Variants in IRAG1 observed in about 807,000 individuals in gnomAD.
The protein encoded by IRAG1 is inositol 1,4,5-triphosphate receptor associated 1.
In IRAG1, 62 loss-of-function variants were observed where a neutral mutation model predicts 106.2. The ratio of observed to expected loss-of-function variants is 0.58; its 90% CI spans 0.48 to 0.72. IRAG1 has a LOEUF of 0.72. IRAG1 is among the 30% of genes least tolerant of loss of function. IRAG1 has a pLI of 0.00. For missense variants in IRAG1, 1,064 were observed against 1,140.7 expected (o/e 0.93, Z 0.97); for synonymous variants, 462 against 443.9 (o/e 1.04, Z -0.51).
At chr11:10,686,799 G>T (rs1861689941) in intron 1 of IRAG1, among the ~76,000 whole-genome samples, 1 of 152,164 alleles carries the variant, frequency 6.6e-6, no homozygotes, top group Admixed American at 6.5e-5. Context: ...TACCTCCCTT[G>T]CATGGCTAAA....
chr11:10,627,696 G>T lies in IRAG1; in HGVS notation c.750+20C>A. Reference sequence around the variant, plus strand: ...CCCCCCACACTCAAATCATCCAAAGGGAGCAAAGCTCAAACTCACAGGCTC... The same window carrying T: ...CCCCCCACACTCAAATCATCCAAAGTGAGCAAAGCTCAAACTCACAGGCTC... On this transcript the variant is annotated intron_variant, in intron 8 of 20. Coordinates refer to ENST00000423302, the MANE Select transcript of IRAG1 (RefSeq NM_130385.4). 6.2e-7 allele frequency: 1 copy of T among 1,613,886 alleles called. No homozygotes were observed. Among genetic ancestry groups the T allele is most frequent in the Non-Finnish European group, 8.5e-7 (1 of 1,179,836 alleles).
chr11:10,643,228 A>T (rs926823589), intron 2 of IRAG1, among the ~76,000 whole-genome samples: 9 of 150,432 alleles, frequency 6.0e-5, no homozygotes, highest in Admixed American at 2.6e-4. Context: ...AAAGAAAATG[A>T]TTATCCCAGC....
rs1363153707 is a variant in IRAG1 at position 10,576,578 on chromosome 11, G to C, written c.2496-3C>G. Reference sequence around the variant, plus strand: ...AATGGACCAATTCTTCAAGTTTGCTGTCAATGAAAAAAAATATGCAGAGGC... The same window carrying C: ...AATGGACCAATTCTTCAAGTTTGCTCTCAATGAAAAAAAATATGCAGAGGC... On this transcript the variant is annotated splice_region_variant and splice_polypyrimidine_tract_variant and intron_variant, in intron 20 of 20. Coordinates refer to ENST00000423302, the MANE Select transcript of IRAG1 (RefSeq NM_130385.4). The C allele has an allele frequency of 6.2e-7, 1 of 1,613,748 alleles. No homozygotes were observed. The highest frequency in any genetic ancestry group is 1.1e-5 in the South Asian group (1 of 91,078).
At chr11:10,592,180 C>G (rs1266066013) in intron 17 of IRAG1, among the ~76,000 whole-genome samples, 3 of 152,088 alleles carry the variant, frequency 2.0e-5, no homozygotes, top group African/African-American at 2.4e-5. Context: ...ATTAGAATCA[C>G]CTGGGGGAGG....
chr11:10,610,938 A>G (rs912282586), intron 10 of IRAG1, among the ~76,000 whole-genome samples: 2 of 152,138 alleles, frequency 1.3e-5, no homozygotes, highest in Non-Finnish European at 2.9e-5. Flanking sequence ...TAGCTTTCCA[A>G]TCTGCTCAAT....
chr11:10,593,625 C>A, intron 16 of IRAG1, 26 bp from the exon 17 acceptor site: 2 of 1,568,076 alleles, frequency 1.3e-6, no homozygotes, highest in South Asian at 1.1e-5. Flanking sequence ...TGACCAGGCT[C>A]ACTGTCTTGG....
chr11:10,598,983 A>G (rs566811850), intron 15 of IRAG1, among the ~76,000 whole-genome samples: 2 of 152,352 alleles, frequency 1.3e-5, no homozygotes, highest in South Asian at 4.1e-4. Flanking sequence ...AGAGTATCTT[A>G]TGGAAACACC....
chr11:10,606,750 C>G lies in IRAG1; in HGVS notation c.1594G>C (p.Glu532Gln). Residue 532 changes from glutamate to glutamine, a missense_variant, in exon 12 of 21, where the codon GAA (glutamate) becomes CAA (glutamine). Coordinates refer to ENST00000423302, the MANE Select transcript of IRAG1 (RefSeq NM_130385.4). ...ACACTTGAGTCACTTACCTCAACTT[C>G]CTTTTCAGTGAGTGGAGGGGCACTG... is the stretch of plus-strand genomic sequence containing the variant. ...PGSAPPLTEK[E>Q]VENVFVQLSL... 2 of 1,595,426 alleles carry G rather than the reference C, an allele frequency of 1.3e-6. No homozygotes were observed. Among genetic ancestry groups the G allele is most frequent in the South Asian group, 2.3e-5 (2 of 87,712 alleles).
At chr11:10,662,718 C>T (rs1329088009) in intron 1 of IRAG1, among the ~76,000 whole-genome samples, 2 of 152,210 alleles carry the variant, frequency 1.3e-5, no homozygotes, top group Non-Finnish European at 2.9e-5. Flanking sequence ...CCTGACAGAG[C>T]AGAGCCGGGA....
intron 3 of IRAG1, among the ~76,000 whole-genome samples, chr11:10,633,081 T>A (rs1178161992): frequency 2.1e-4 from 31 of 149,218 alleles, no homozygotes; most frequent in Admixed American, 6.0e-4. Flanking sequence ...CTTTCTTTTT[T>A]TTTTTTTTTT....
intron 2 of IRAG1, among the ~76,000 whole-genome samples, chr11:10,642,295 T>C (rs1857571258): frequency 6.6e-6 from 1 of 152,244 alleles, no homozygotes; most frequent in Non-Finnish European, 1.5e-5. Context: ...TAAATGTTTA[T>C]TTCACTCATA....
Position 10,668,365 on chromosome 11 carries a change from ATAAC to A in IRAG1, c.68-16187_68-16184del, listed in dbSNP as rs1348283749. Among the ~76,000 whole-genome samples, 8 of 152,390 alleles carry A rather than the reference ATAAC, an allele frequency of 5.2e-5. No homozygotes were observed. In the South Asian group the frequency reaches 6.2e-4, roughly 12 times the overall value. ...TTAGATATACAGTGTCTAGCACAAA[ATAAC>A]TAACAGAATGGTAACTTTTATTATT... is the stretch of plus-strand genomic sequence containing the variant. On this transcript the variant is annotated intron_variant, in intron 1 of 20. Transcript: ENST00000423302.
intron 10 of IRAG1, among the ~76,000 whole-genome samples, chr11:10,614,903 C>G (rs1278111074): frequency 6.6e-6 from 1 of 152,162 alleles, no homozygotes; most frequent in Non-Finnish European, 1.5e-5. Flanking sequence ...GTCTAAAACA[C>G]CAAAAGCAAT....
chr11:10,609,765 G>A lies in IRAG1; in HGVS notation c.1534C>T (p.Leu512=), dbSNP rs1469698906. 5.0e-6 allele frequency: 8 copies of A among 1,613,818 alleles called. No homozygotes were observed. Among genetic ancestry groups the A allele is most frequent in the Non-Finnish European group, 6.8e-6 (8 of 1,179,832 alleles). Residue 512 remains leucine, a synonymous_variant, in exon 11 of 21, where the codon CTG becomes TTG. Transcript: ENST00000423302. ...DVMPNISDVL[L]RKLRVHRSLP... ...CTCCTGTGGACCCGCAGTTTGCGCA[G>A]CAGCACATCAGAAATATTAGGCATG...
At chr11:10,660,128 C>T (rs1449591959) in intron 1 of IRAG1, among the ~76,000 whole-genome samples, 1 of 152,178 alleles carries the variant, frequency 6.6e-6, no homozygotes, top group Non-Finnish European at 1.5e-5. Context: ...CTAACTTGTA[C>T]TTTGGAGGAA....
Position 10,593,496 on chromosome 11 carries a change from G to GTAAGT in IRAG1, c.2170_2171insACTTA (p.Ala724AspfsTer42). 6.2e-7 allele frequency: 1 copy of GTAAGT among 1,610,362 alleles called. No individual in the cohort carries two copies. Among genetic ancestry groups the GTAAGT allele is most frequent in the Non-Finnish European group, 8.5e-7 (1 of 1,176,676 alleles). ...GGCAGACATCGTCATACTTACCAAG[G>GTAAGT]CTGGTAAGGAGGGAATGGATGATGA... On this transcript the variant is annotated frameshift_variant, in exon 17 of 21. Transcript: ENST00000423302. LOFTEE classifies it high-confidence loss of function.
At chr11:10,588,573 A>C (rs372013101) in intron 18 of IRAG1, among the ~76,000 whole-genome samples, 5 of 152,002 alleles carry the variant, frequency 3.3e-5, no homozygotes, top group African/African-American at 1.2e-4. Context: ...CTGGTCTTCA[A>C]CTCTTGAGCT....
At chr11:10,670,842 T>A (rs1860162796) in intron 1 of IRAG1, among the ~76,000 whole-genome samples, 1 of 152,216 alleles carries the variant, frequency 6.6e-6, no homozygotes, top group South Asian at 2.1e-4. Flanking sequence ...TGGCCATCTA[T>A]AAGCAAGGAG....
intron 20 of IRAG1, among the ~76,000 whole-genome samples, chr11:10,578,854 G>A (rs74395115): frequency 1.4e-4 from 19 of 131,194 alleles, no homozygotes; most frequent in Admixed American, 1.3e-3. Flanking sequence ...CTCTCTCTCT[G>A]TTTATTTCTC....
Sources: gnomAD v4.1 joint callset for allele counts (sites outside exome capture counted in the v4.1 genomes callset) on GRCh38, gnomAD v4.1.1 for gene constraint, MANE v1.5 for transcripts, NCBI Gene and HGNC (gene_info 2026-07-23, HGNC 2026-07-21) for gene names.